IL2RA: variants seen among roughly 807,000 people sequenced by gnomAD.
IL2RA encodes the protein interleukin-2 receptor subunit alpha.
In IL2RA, 24 loss-of-function variants were observed where a neutral mutation model predicts 37.8. The ratio of observed to expected loss-of-function variants is 0.63; its 90% confidence interval spans 0.46 to 0.89. The LOEUF (loss-of-function observed/expected upper bound fraction) is 0.89. Among genes scored for constraint, IL2RA ranks in the 40% least tolerant of loss-of-function variants. The pLI, the probability that IL2RA is intolerant of heterozygous loss-of-function variation, is 0.00. For missense variants in IL2RA, 319 were observed against 348.6 expected (o/e 0.92, Z 0.68); for synonymous variants, 125 against 114.6 (o/e 1.09, Z -0.58).
Position 6,022,971 on chromosome 10 carries a change from C to T in IL2RA, c.367+1273G>A, listed in dbSNP as rs1839413246. ...AAGAGCATCATGTTGCAACTGTGCCCCTAGATTAGTCTGTTTTAAAAAATA... is the reference window on the plus strand; with the variant it reads ...AAGAGCATCATGTTGCAACTGTGCCTCTAGATTAGTCTGTTTTAAAAAATA... On this transcript the variant is annotated intron_variant, in intron 3 of 7. Coordinates refer to ENST00000379959, the MANE Select transcript of IL2RA (RefSeq NM_000417.3). The surrounding 1 kb of genome is among the most constrained non-coding windows in gnomAD (Gnocchi z 4.7). Among the ~76,000 whole-genome samples, 1 of 152,076 alleles carries T rather than the reference C, an allele frequency of 6.6e-6. No individual in the cohort carries two copies. Among genetic ancestry groups the T allele is most frequent in the Non-Finnish European group, 1.5e-5 (1 of 68,014 alleles).
chr10:6,019,338 G>A (rs548339500), intron 6 of IL2RA, 90 bp downstream of exon 6: 1 of 966,030 alleles, frequency 1.0e-6, no homozygotes, highest in Non-Finnish European at 1.7e-6. Flanking sequence ...CAACCTACCA[G>A]CCAACCAACT....
At chr10:6,059,621 T>C (rs1229281903) in intron 1 of IL2RA, among the ~76,000 whole-genome samples, 1 of 152,208 alleles carries the variant, frequency 6.6e-6, no homozygotes, top group Non-Finnish European at 1.5e-5. Flanking sequence ...TACCTCATCC[T>C]AACTTTCCAG....
intron 7 of IL2RA, among the ~76,000 whole-genome samples, chr10:6,017,625 G>C (rs1839302054): frequency 7.3e-6 from 1 of 136,204 alleles, no homozygotes; most frequent in Non-Finnish European, 1.5e-5. Flanking sequence ...ACCCAGGCTG[G>C]AGTGCAGTGG....
chr10:6,044,329 G>T lies in IL2RA; in HGVS notation c.64+17759C>A, dbSNP rs942201. Among the ~76,000 whole-genome samples, 28,564 of 152,254 alleles carry T rather than the reference G, an allele frequency of 0.19. 3,104 individuals carry two copies. Among genetic ancestry groups the T allele is most frequent in the East Asian group, 0.27 (1,377 of 5,184 alleles). On this transcript the variant is annotated intron_variant, in intron 1 of 7. Coordinates refer to ENST00000379959, the MANE Select transcript of IL2RA (RefSeq NM_000417.3). The surrounding 1 kb of genome is among the most constrained non-coding windows in gnomAD (Gnocchi z 4.5). ...ATAGTTCCGGCTGTGCTACAGCTCC[G>T]TGACTGCTTCTGTAGAGCAGGGCGA...
chr10:6,021,223 C>T lies in IL2RA; in HGVS notation c.583+255G>A, dbSNP rs1839380929. ...CTAGGGTGCTTAGGAGAGGGCTTTC[C>T]TTCTCTTCTGTCTCCAACCTTTCTC... is the stretch of plus-strand genomic sequence containing the variant. On this transcript the variant is annotated intron_variant, in intron 4 of 7. Coordinates refer to ENST00000379959, the MANE Select transcript of IL2RA (RefSeq NM_000417.3). The surrounding 1 kb of genome is among the most constrained non-coding windows in gnomAD (Gnocchi z 4.9). Among the ~76,000 whole-genome samples, 1 of 152,050 alleles carries T rather than the reference C, an allele frequency of 6.6e-6. No homozygotes were observed. The highest frequency in any genetic ancestry group is 6.6e-5 in the Admixed American group (1 of 15,258).
At chr10:6,051,971 C>T (rs901840798) in intron 1 of IL2RA, among the ~76,000 whole-genome samples, 1 of 150,942 alleles carries the variant, frequency 6.6e-6, no homozygotes, top group Non-Finnish European at 1.5e-5. Flanking sequence ...GGTTCACATG[C>T]ATGTGTGTGG....
intron 2 of IL2RA, among the ~76,000 whole-genome samples, chr10:6,024,613 C>T (rs781753686): frequency 1.2e-4 from 18 of 146,740 alleles, no homozygotes; most frequent in Non-Finnish European, 1.9e-4. Context: ...ATGTATGTTA[C>T]GTGTCTGTGT....
At chr10:6,032,973 G>T (rs551815190) in intron 1 of IL2RA, among the ~76,000 whole-genome samples, 5 of 152,284 alleles carry the variant, frequency 3.3e-5, no homozygotes, top group African/African-American at 1.2e-4. Context: ...GGAAATGGAG[G>T]AAATGGATAA....
intron 1 of IL2RA, among the ~76,000 whole-genome samples, chr10:6,037,516 A>G (rs11256448): frequency 0.23 from 34,634 of 152,102 alleles, 4,181 homozygotes; most frequent in East Asian, 0.29. Context: ...GAAGATTAGA[A>G]TAACGCACGG....
At chr10:6,045,582 AT>A (rs1839840169) in intron 1 of IL2RA, among the ~76,000 whole-genome samples, 1 of 152,198 alleles carries the variant, frequency 6.6e-6, no homozygotes, top group African/African-American at 2.4e-5. Flanking sequence ...AATAAAAGTT[AT>A]CAGATTTAAA....
In IL2RA at chr10:6,056,821, C is replaced by T. The variant is rs1293367663; in HGVS notation, c.64+5267G>A. Among the ~76,000 whole-genome samples the T allele has an allele frequency of 6.6e-6, 1 of 152,126 alleles. No individual in the cohort carries two copies. Among genetic ancestry groups the T allele is most frequent in the African/African-American group, 2.4e-5 (1 of 41,436 alleles). ...GGGATAGAGAAGAGAAACAGGTTCC[C>T]ACTCATGTAAAACTTCTCCCATGGG... On this transcript the variant is annotated intron_variant, in intron 1 of 7. Transcript: ENST00000379959. The surrounding 1 kb of genome is among the most constrained non-coding windows in gnomAD (Gnocchi z 5.0).
chr10:6,040,463 T>G (rs1185175366), intron 1 of IL2RA, among the ~76,000 whole-genome samples: 1 of 152,274 alleles, frequency 6.6e-6, no homozygotes, highest in African/African-American at 2.4e-5. Flanking sequence ...ATTTGAATAT[T>G]TCCAGTCATT....
At position 6,012,915 on chromosome 10, in the gene IL2RA, G is replaced by T; in HGVS notation, c.795-19C>A. 1 of 1,613,588 alleles carries T rather than the reference G, an allele frequency of 6.2e-7. No individual in the cohort carries two copies. Among genetic ancestry groups the T allele is most frequent in the Non-Finnish European group, 8.5e-7 (1 of 1,179,496 alleles). ...CTTCCTCCTGTAGTGGTGTAACAAA[G>T]TCACGGTCATATGTGTAACACGGCA... On this transcript the variant is annotated intron_variant, in intron 7 of 7. Transcript: ENST00000379959. This position sits in a 1 kb window ranked among gnomAD's most constrained non-coding sequence, Gnocchi z 4.8.
chr10:6,014,549 G>A lies in IL2RA; in HGVS notation c.795-1653C>T, dbSNP rs1471006583. 2.0e-5 allele frequency among the ~76,000 whole-genome samples: 3 copies of A among 152,140 alleles called. No homozygotes were observed. The highest frequency in any genetic ancestry group is 2.4e-5 in the African/African-American group (1 of 41,420). On this transcript the variant is annotated intron_variant, in intron 7 of 7. Transcript: ENST00000379959. The surrounding 1 kb of genome is among the most constrained non-coding windows in gnomAD (Gnocchi z 4.4). ...CCAAATAGCTTTGTCCTCTGGGCCC[G>A]AAGGCTTTTGATCTTCAAACTAACA...
At position 6,012,919 on chromosome 10, in the gene IL2RA, C is replaced by T. The variant is rs74162101; in HGVS notation, c.795-23G>A. 2.4e-5 allele frequency: 39 copies of T among 1,612,964 alleles called. No homozygotes were observed. Among genetic ancestry groups the T allele is most frequent in the South Asian group, 8.8e-5 (8 of 91,050 alleles). On this transcript the variant is annotated intron_variant, in intron 7 of 7. Coordinates refer to ENST00000379959, the MANE Select transcript of IL2RA (RefSeq NM_000417.3). The surrounding 1 kb of genome is among the most constrained non-coding windows in gnomAD (Gnocchi z 4.8). ...CTCCTGTAGTGGTGTAACAAAGTCA[C>T]GGTCATATGTGTAACACGGCACCAA...
chr10:6,019,094 A>G (rs1414894002), intron 6 of IL2RA, among the ~76,000 whole-genome samples: 3 of 151,850 alleles, frequency 2.0e-5, no homozygotes, highest in Non-Finnish European at 4.4e-5. Context: ...CAACTTATCA[A>G]CCAACCCACC....
intron 3 of IL2RA, 73 bp downstream of exon 3, chr10:6,024,171 G>A (rs919465384): frequency 2.1e-6 from 2 of 972,854 alleles, no homozygotes; most frequent in Non-Finnish European, 3.3e-6. Flanking sequence ...TTCTTCCTTT[G>A]GGTACACATC....
Position 6,035,479 on chromosome 10 carries a change from C to A in IL2RA, c.65-9454G>T, listed in dbSNP as rs80305283. On this transcript the variant is annotated intron_variant, in intron 1 of 7. Transcript: ENST00000379959. The surrounding 1 kb of genome is among the most constrained non-coding windows in gnomAD (Gnocchi z 5.4). ...CACACATGCTTAGTATCTGTCTCTC[C>A]CTTTGTTCCTGAGTGGTGGGCCGCA... Among the ~76,000 whole-genome samples the A allele has an allele frequency of 2.7e-3, 404 of 152,300 alleles. 4 individuals carry two copies. The highest frequency in any genetic ancestry group is 8.8e-3 in the African/African-American group (365 of 41,550).
chr10:6,049,106 A>C (rs551394566), intron 1 of IL2RA, among the ~76,000 whole-genome samples: 69 of 152,380 alleles, frequency 4.5e-4, no homozygotes, highest in African/African-American at 1.6e-3. Context: ...GTCCCACAAT[A>C]TGCCAGCTGG....
Sources: allele counts gnomAD v4.1 joint callset (sites outside exome capture counted in the v4.1 genomes callset), GRCh38; gene constraint gnomAD v4.1.1; non-coding constraint Gnocchi (gnomAD v3.1); transcripts MANE v1.5; gene names NCBI Gene and HGNC (gene_info 2026-07-23, HGNC 2026-07-21).